The following PDZD2 variants were observed in gnomAD, a reference collection of about 807,000 sequenced individuals.
The protein encoded by PDZD2 is PDZ domain-containing protein 2.
Under a neutral mutation model 220.7 loss-of-function variants are expected in PDZD2, and 90 were observed. The ratio of observed to expected loss-of-function variants is 0.41; its 90% CI spans 0.34 to 0.49. The LOEUF is 0.49. Ranked by LOEUF, PDZD2 falls within the 20% of genes least tolerant of loss-of-function variation. PDZD2 has a pLI of 0.28. For missense variants in PDZD2, 3,174 were observed against 3,608.5 expected (o/e 0.88, Z 3.08); for synonymous variants, 1,375 against 1,450.5 (o/e 0.95, Z 1.18).
intron 16 of PDZD2, 86 bp from the exon 17 acceptor site, chr5:32,072,075 G>T: frequency 2.1e-6 from 2 of 942,580 alleles, no homozygotes; most frequent in South Asian, 1.6e-5. Flanking sequence ...AGAACGAAGT[G>T]TTCTTGGAAA....
chr5:32,039,445 C>T (rs1755845527), intron 7 of PDZD2, among the ~76,000 whole-genome samples: 1 of 149,912 alleles, frequency 6.7e-6, no homozygotes, highest in Non-Finnish European at 1.5e-5. Context: ...GGCGTAATCT[C>T]AGCTCGCTAC....
At chr5:31,803,161 A>G (rs1754503789) in intron 2 of PDZD2, among the ~76,000 whole-genome samples, 2 of 148,268 alleles carry the variant, frequency 1.3e-5, no homozygotes, top group Non-Finnish European at 3.0e-5. Context: ...GCAGAGCCAC[A>G]GTCATAGCTC....
intron 1 of PDZD2, among the ~76,000 whole-genome samples, chr5:31,662,854 T>G (rs559742329): frequency 2.8e-4 from 42 of 152,272 alleles, no homozygotes; most frequent in African/African-American, 9.9e-4. Context: ...ATGGTCTTGA[T>G]CTCCTGACCT....
rs193155822 is a variant in PDZD2 at position 31,717,713 on chromosome 5, G to C, written c.-361+78276G>C. Among the ~76,000 whole-genome samples, 268 of 152,286 alleles carry C rather than the reference G, an allele frequency of 1.8e-3. 2 individuals are homozygous for C. The highest frequency in any genetic ancestry group is 6.2e-3 in the African/African-American group (256 of 41,558). On this transcript the variant is annotated intron_variant, in intron 1 of 24. Coordinates refer to ENST00000438447, the MANE Select transcript of PDZD2 (RefSeq NM_178140.4). The stretch of plus-strand genomic sequence containing the variant: ...TAGAGTGGGACGTCCCCATTCCGTT[G>C]TCCTCTGTGCCACGCAGAGCCTGAG...
At chr5:31,889,323 G>C (rs1740801654) in intron 2 of PDZD2, among the ~76,000 whole-genome samples, 1 of 152,170 alleles carries the variant, frequency 6.6e-6, no homozygotes, top group East Asian at 1.9e-4. Flanking sequence ...AGGAGCTTCT[G>C]TTTCGGCCTT....
intron 2 of PDZD2, among the ~76,000 whole-genome samples, chr5:31,947,601 G>C (rs545840409): frequency 8.5e-5 from 13 of 152,350 alleles, no homozygotes; most frequent in Non-Finnish European, 1.8e-4. Flanking sequence ...TTGGGAAGCT[G>C]AAGCAGTTAG....
intron 1 of PDZD2, among the ~76,000 whole-genome samples, chr5:31,657,842 C>T (rs534325065): frequency 1.8e-4 from 27 of 152,234 alleles, no homozygotes; most frequent in African/African-American, 6.0e-4. Context: ...CGGCAACACC[C>T]GCAAAGGAGG....
At chr5:31,873,055 A>G (rs1176038259) in intron 2 of PDZD2, among the ~76,000 whole-genome samples, 4 of 152,116 alleles carry the variant, frequency 2.6e-5, no homozygotes, top group African/African-American at 9.7e-5. Flanking sequence ...TTGACGACAC[A>G]TTTCTCAGAA....
At chr5:32,061,267 A>AT in intron 14 of PDZD2, 133 bp downstream of exon 14, 1 of 694,892 alleles carries the variant, frequency 1.4e-6, no homozygotes, top group Non-Finnish European at 2.5e-6. Context: ...TGGGAAATGA[A>AT]TCTCTAATCT....
At position 31,982,467 on chromosome 5, in the gene PDZD2, C is replaced by T. The variant is rs182924297; in HGVS notation, c.477-688C>T. Among the ~76,000 whole-genome samples the T allele has an allele frequency of 1.6e-3, 246 of 152,242 alleles. 1 individual carries two copies. Among genetic ancestry groups the T allele is most frequent in the African/African-American group, 5.8e-3 (239 of 41,532 alleles). ...GGATTACAGGCAGGGACCACCACAC[C>T]GGACTAATTTTTGTATTTTTAATAG... On this transcript the variant is annotated intron_variant, in intron 2 of 24. Transcript: ENST00000438447.
intron 1 of PDZD2, among the ~76,000 whole-genome samples, chr5:31,680,268 A>G (rs1746600306): frequency 6.6e-6 from 1 of 152,148 alleles, no homozygotes; most frequent in Non-Finnish European, 1.5e-5. Context: ...TGGTGACTCT[A>G]AGCTTCCCTT....
intron 1 of PDZD2, among the ~76,000 whole-genome samples, chr5:31,698,079 T>G (rs1305964529): frequency 6.7e-6 from 1 of 150,062 alleles, no homozygotes; most frequent in Non-Finnish European, 1.5e-5. Flanking sequence ...ATTTTTTTTT[T>G]GTATTTTTTA....
At chr5:31,797,883 A>T (rs1754139759) in intron 1 of PDZD2, among the ~76,000 whole-genome samples, 1 of 152,194 alleles carries the variant, frequency 6.6e-6, no homozygotes, top group Non-Finnish European at 1.5e-5. Flanking sequence ...TCCACGTTGG[A>T]TGGCACGGTT....
intron 2 of PDZD2, among the ~76,000 whole-genome samples, chr5:31,895,444 C>T (rs1561549900): frequency 6.6e-6 from 1 of 152,208 alleles, no homozygotes. Flanking sequence ...TCACCAGGTA[C>T]TGCCAGTACC....
chr5:31,680,779 C>T (rs1029112933), intron 1 of PDZD2, among the ~76,000 whole-genome samples: 20 of 152,256 alleles, frequency 1.3e-4, no homozygotes, highest in South Asian at 2.1e-4. Flanking sequence ...CCTGACCGGG[C>T]GCCAGGCCCT....
chr5:32,097,207 A>G, intron 21 of PDZD2, 72 bp from the exon 22 acceptor site: 1 of 957,100 alleles, frequency 1.0e-6, no homozygotes, highest in Non-Finnish European at 1.7e-6. Context: ...TCCTGGCCCA[A>G]GGGGATATGT....
rs1162638428 is a variant in PDZD2, at chr5:32,074,604, G to A, written c.3498G>A (p.Val1166=). The part of the protein sequence containing the change: ...DSRVQATSVK[V]TVAGFQPGGA... ...GAGTCCAGGCCACTTCTGTCAAAGT[G>A]ACTGTCGCTGGCTTTCAGCCAGGTG... is the stretch of plus-strand genomic sequence containing the variant. Residue 1166 remains valine (V), a synonymous_variant, in exon 18 of 25, where the codon GTG becomes GTA. Transcript: ENST00000438447. 4 of 1,611,568 alleles carry A rather than the reference G, an allele frequency of 2.5e-6. No homozygotes were observed. Among genetic ancestry groups the A allele is most frequent in the Non-Finnish European group, 3.4e-6 (4 of 1,178,948 alleles).
At chr5:31,795,417 A>G (rs1753968855) in intron 1 of PDZD2, among the ~76,000 whole-genome samples, 1 of 152,236 alleles carries the variant, frequency 6.6e-6, no homozygotes, top group Non-Finnish European at 1.5e-5. Context: ...GCGATTCAAA[A>G]TTAATTTAAA....
At chr5:31,884,595 T>C (rs1250754112) in intron 2 of PDZD2, among the ~76,000 whole-genome samples, 1 of 152,060 alleles carries the variant, frequency 6.6e-6, no homozygotes, top group Non-Finnish European at 1.5e-5. Context: ...GTATTGTGTT[T>C]TTTTTTGTTT....
Sources: allele counts gnomAD v4.1 joint callset (sites outside exome capture counted in the v4.1 genomes callset), GRCh38; gene constraint gnomAD v4.1.1; transcripts MANE v1.5; gene names NCBI Gene and HGNC (gene_info 2026-07-23, HGNC 2026-07-21).